RELN: variants seen among roughly 807,000 people sequenced by gnomAD.
The protein encoded by RELN is reelin.
A neutral mutation model predicts 427.6 loss-of-function variants in RELN; 108 were observed. The ratio of observed to expected loss-of-function variants is 0.25; its 90% CI spans 0.22 to 0.30. RELN has a LOEUF of 0.30. Among genes scored for constraint, RELN ranks in the 10% least tolerant of loss-of-function variants. The probability of loss-of-function intolerance (pLI) is 1.00; values close to 1 mark genes in which losing one functional copy is unlikely to be tolerated. For synonymous variants in RELN, 1,524 were observed against 1,513.4 expected (o/e 1.01, Z -0.16); for missense variants, 3,715 against 4,302.8 (o/e 0.86, Z 3.82).
chr7:103,904,277 C>T (rs1341275318), intron 2 of RELN, among the ~76,000 whole-genome samples: 1 of 152,104 alleles, frequency 6.6e-6, no homozygotes, highest in Non-Finnish European at 1.5e-5. Context: ...TGGGCTGGTT[C>T]CATGTCTTTG....
intron 3 of RELN, among the ~76,000 whole-genome samples, chr7:103,792,562 A>T (rs1397564604): frequency 1.3e-5 from 1 of 78,822 alleles, no homozygotes; most frequent in African/African-American, 4.9e-5. Flanking sequence ...TTTCCGGGGG[A>T]TGGGGGGATG....
Position 103,635,465 on chromosome 7 carries a change from G to T in RELN, c.2425C>A (p.Leu809Ile). ...CTGAGATATGAATAATGCTCCAGGA[G>T]TTTCCAAGTTATCCCATTATCATAA... ...YSYDNGITWK[L>I]LEHYSYLSYH... Residue 809 changes from leucine to isoleucine, a missense_variant, in exon 19 of 65, where the codon CTC becomes ATC. Transcript: ENST00000428762. The T allele has an allele frequency of 6.2e-7, 1 of 1,613,974 alleles. No homozygotes were observed. The highest frequency in any genetic ancestry group is 1.3e-5 in the African/African-American group (1 of 75,042).
intron 8 of RELN, 23 bp downstream of exon 8, chr7:103,723,117 T>C: frequency 1.3e-6 from 2 of 1,508,880 alleles, no homozygotes; most frequent in Non-Finnish European, 1.8e-6. Context: ...ATTAAATCGT[T>C]ATAACTGCTA....
intron 2 of RELN, among the ~76,000 whole-genome samples, chr7:103,868,973 G>A (rs1009345832): frequency 1.3e-5 from 2 of 151,922 alleles, no homozygotes; most frequent in African/African-American, 4.8e-5. Context: ...GATACACATG[G>A]ACCTTGGTTT....
chr7:103,864,270 A>C (rs1486395473), intron 2 of RELN, among the ~76,000 whole-genome samples: 1 of 152,180 alleles, frequency 6.6e-6, no homozygotes, highest in Admixed American at 6.5e-5. Flanking sequence ...TGAAAAAGTT[A>C]ATAACTGTTT....
intron 2 of RELN, among the ~76,000 whole-genome samples, chr7:103,860,810 A>G (rs1162397358): frequency 6.6e-6 from 1 of 152,188 alleles, no homozygotes; most frequent in African/African-American, 2.4e-5. Flanking sequence ...TTAAAAAGAT[A>G]AATGACTTGC....
intron 17 of RELN, among the ~76,000 whole-genome samples, chr7:103,639,383 C>CT (rs1362122758): frequency 5.3e-5 from 8 of 150,038 alleles, no homozygotes; most frequent in Non-Finnish European, 1.0e-4. Context: ...CATGCAATTT[C>CT]TTTTTTTTCT....
intron 11 of RELN, among the ~76,000 whole-genome samples, chr7:103,666,999 C>T (rs761022864): frequency 2.6e-5 from 4 of 152,216 alleles, no homozygotes; most frequent in African/African-American, 9.6e-5. Flanking sequence ...CCATCCTGAA[C>T]TGCCTAAGTT....
chr7:103,714,055 A>C (rs1789874788), intron 8 of RELN, among the ~76,000 whole-genome samples: 1 of 152,162 alleles, frequency 6.6e-6, no homozygotes, highest in Non-Finnish European at 1.5e-5. Flanking sequence ...TATGACTCCC[A>C]GTCTTAGGCA....
At chr7:103,791,448 T>C (rs573969893) in intron 3 of RELN, among the ~76,000 whole-genome samples, 2 of 152,300 alleles carry the variant, frequency 1.3e-5, no homozygotes, top group East Asian at 3.9e-4. Flanking sequence ...TACTTTTACA[T>C]TTATGGTTAA....
At chr7:103,632,701 A>T (rs1333284126) in intron 19 of RELN, among the ~76,000 whole-genome samples, 2 of 152,150 alleles carry the variant, frequency 1.3e-5, no homozygotes, top group Non-Finnish European at 2.9e-5. Flanking sequence ...TTTTGTTTGT[A>T]GGTCCTAACC....
chr7:103,741,080 G>A (rs1031104719), intron 6 of RELN, among the ~76,000 whole-genome samples: 1 of 152,120 alleles, frequency 6.6e-6, no homozygotes, highest in African/African-American at 2.4e-5. Context: ...CTTTTCTGGG[G>A]TAAAGAGAAT....
In RELN at chr7:103,574,178, T is replaced by C. The variant is rs1279029850; in HGVS notation, c.4425A>G (p.Gly1475=). The part of the protein sequence containing the change: ...ITGAQVGTGC[G]TLNDGKSLYF... ...AGAGAGATTTGCCATCGTTAAGTGTTCCACAGCCAGTTCCAACCTGGGCAC... is the reference window on the plus strand; with the variant it reads ...AGAGAGATTTGCCATCGTTAAGTGTCCCACAGCCAGTTCCAACCTGGGCAC... The change falls in exon 30 of 65, where the codon GGA becomes GGG. Residue 1475 remains glycine, a synonymous_variant. Coordinates refer to ENST00000428762, the MANE Select transcript of RELN (RefSeq NM_005045.4). 1 of 1,614,176 alleles carries C rather than the reference T, an allele frequency of 6.2e-7. No homozygotes were observed. The highest frequency in any genetic ancestry group is 8.5e-7 in the Non-Finnish European group (1 of 1,180,010).
chr7:103,835,388 T>C (rs2116414038), intron 2 of RELN, among the ~76,000 whole-genome samples: 1 of 152,340 alleles, frequency 6.6e-6, no homozygotes, highest in East Asian at 1.9e-4. Context: ...CTTATAAATG[T>C]ATCCAAACAC....
Position 103,565,203 on chromosome 7 carries a change from G to A in RELN, c.5210+75C>T. ...CATGAAAGAATAATAGAATCCCCAG[G>A]CCGAATCACAATTATTTTCAAATTA... is the stretch of plus-strand genomic sequence containing the variant. On this transcript the variant is annotated intron_variant, in intron 34 of 64. Coordinates refer to ENST00000428762, the MANE Select transcript of RELN (RefSeq NM_005045.4). The A allele has an allele frequency of 2.0e-6, 3 of 1,516,492 alleles. No individual in the cohort carries two copies. In the South Asian group the frequency reaches 3.4e-5, roughly 17 times the overall value. 93.9% of individuals were successfully genotyped at this position (1,516,492 alleles called of 1,614,324 possible). A position where few individuals can be genotyped will look rare whatever the true frequency, so the allele number is the denominator to read the frequency against.
intron 1 of RELN, among the ~76,000 whole-genome samples, chr7:103,960,366 C>G (rs1461322728): frequency 6.6e-6 from 1 of 152,196 alleles, no homozygotes; most frequent in Non-Finnish European, 1.5e-5. Context: ...ACTCTCTCCT[C>G]TCTTTCAACT....
intron 11 of RELN, among the ~76,000 whole-genome samples, chr7:103,673,098 T>C (rs922679556): frequency 2.6e-5 from 4 of 152,162 alleles, no homozygotes; most frequent in Non-Finnish European, 5.9e-5. Context: ...TAAGTGAATA[T>C]AACTCACTCT....
Position 103,551,118 on chromosome 7 carries a change from A to C in RELN, c.6251T>G (p.Met2084Arg), listed in dbSNP as rs1348646077. ...HPSSTYYAGT[M>R]QGWRREVVHF... is the part of the protein sequence containing the mutation. Reference sequence around the variant, plus strand: ...CACGACCTCCCTCCTCCAGCCCTGCATGGTTCCTGCGTAGTAGGTGCTGCT... The same window carrying C: ...CACGACCTCCCTCCTCCAGCCCTGCCTGGTTCCTGCGTAGTAGGTGCTGCT... Residue 2084 changes from methionine to arginine, a missense_variant, in exon 41 of 65, where the codon ATG becomes AGG. Around this residue, in one of 4 missense-constraint regions of RELN, gnomAD observed 1,310 missense variants for 1,643.0 expected, o/e 0.80. Coordinates refer to ENST00000428762, the MANE Select transcript of RELN (RefSeq NM_005045.4). The C allele has an allele frequency of 6.2e-7, 1 of 1,613,872 alleles. No individual in the cohort carries two copies. Among genetic ancestry groups the C allele is most frequent in the Non-Finnish European group, 8.5e-7 (1 of 1,180,012 alleles).
chr7:103,677,765 CA>C (rs60678229), intron 11 of RELN, among the ~76,000 whole-genome samples: 10,807 of 55,474 alleles, frequency 0.19, 203 homozygotes, highest in Middle Eastern at 0.34. Flanking sequence ...GAATCTGTCT[CA>C]AAAAAAAAAA....
Sources: gnomAD v4.1 joint callset for allele counts (sites outside exome capture counted in the v4.1 genomes callset) on GRCh38, gnomAD v4.1.1 for gene constraint, gnomAD v4.1.1 regional missense constraint, MANE v1.5 for transcripts, NCBI Gene and HGNC (gene_info 2026-07-23, HGNC 2026-07-21) for gene names.